The following TNFAIP8 variants were observed in gnomAD, a reference collection of about 807,000 sequenced individuals.
The protein encoded by TNFAIP8 is TNF alpha induced protein 8.
TNFAIP8 carries 7 observed loss-of-function variants against 13.3 expected under a neutral mutation model. The observed-to-expected ratio is 0.52, with a 90% CI of 0.30 to 0.99. The LOEUF (loss-of-function observed/expected upper bound fraction) is 0.99. Ranked by LOEUF, TNFAIP8 falls within the 50% of genes least tolerant of loss-of-function variation. TNFAIP8 has a pLI of 0.07. For synonymous variants in TNFAIP8, 94 were observed against 87.6 expected, an observed-to-expected ratio of 1.07 and a Z score of -0.41; for missense variants, 258 against 236.9, an observed-to-expected ratio of 1.09 and a Z score of -0.58.
chr5:119,285,671 G>A (rs1748757767), intron 1 of TNFAIP8, among the ~76,000 whole-genome samples: 1 of 152,198 alleles, frequency 6.6e-6, no homozygotes, highest in Non-Finnish European at 1.5e-5. Flanking sequence ...ATCTGTGAAA[G>A]TATCCAAGAA....
At chr5:119,297,273 T>G (rs1394620077) in intron 1 of TNFAIP8, among the ~76,000 whole-genome samples, 6 of 152,192 alleles carry the variant, frequency 3.9e-5, no homozygotes, top group South Asian at 4.1e-4. Flanking sequence ...ACACACTGCT[T>G]TGAAAGTGTC....
intron 1 of TNFAIP8, among the ~76,000 whole-genome samples, chr5:119,371,708 T>G (rs188260102): frequency 6.6e-6 from 1 of 152,372 alleles, no homozygotes. Flanking sequence ...CCTAAGATAC[T>G]TTCTGCCTTT....
chr5:119,361,164 A>C (rs1751618980), intron 1 of TNFAIP8, among the ~76,000 whole-genome samples: 1 of 152,252 alleles, frequency 6.6e-6, no homozygotes, highest in South Asian at 2.1e-4. Context: ...AGCACATTGC[A>C]GCAGGCCCGG....
chr5:119,268,829 G>A (rs754705624), exon 1 of TNFAIP8: 3 of 701,936 alleles, frequency 4.3e-6, no homozygotes, highest in South Asian at 1.5e-5. Flanking sequence ...GTGAGCCACC[G>A]AGAGAGCAGA....
chr5:119,386,703 G>A (rs1230373155), intron 1 of TNFAIP8, among the ~76,000 whole-genome samples: 1 of 152,166 alleles, frequency 6.6e-6, no homozygotes, highest in Non-Finnish European at 1.5e-5. Context: ...ACCACTTGGG[G>A]GGATGTGCAT....
In TNFAIP8 at chr5:119,368,428, A is replaced by AGTGT. The variant is rs1285083603; in HGVS notation, c.31+12308_31+12309insTGTG. Among the ~76,000 whole-genome samples, 6 of 94,432 alleles carry AGTGT rather than the reference A, an allele frequency of 6.4e-5. No individual in the cohort carries two copies. In the East Asian group the frequency reaches 1.6e-3, roughly 25 times the overall value. 62.0% of individuals were successfully genotyped at this position (94,432 alleles called of 152,430 possible). On this transcript the variant is annotated intron_variant, in intron 1 of 1. Coordinates refer to ENST00000504771, the MANE Select transcript of TNFAIP8 (RefSeq NM_014350.4). ...TTTCTTTCACTTACCTATTCTAAGC[A>AGTGT]GCGTGTGTGTGTGTGTGTGTGTGTG... is the stretch of plus-strand genomic sequence containing the variant.
chr5:119,279,039 T>C (rs1748550512), intron 1 of TNFAIP8, among the ~76,000 whole-genome samples: 1 of 152,240 alleles, frequency 6.6e-6, no homozygotes. Flanking sequence ...CCAGTAATCA[T>C]GGCAAACACT....
At position 119,341,787 on chromosome 5, in the gene TNFAIP8, A is replaced by G. The variant is rs200642563; in HGVS notation, c.2-51029A>G. ...AATCTCAATCAAAACAGTTCTGAGT[A>G]TTTTACATCATTTAAAAAAATTTGC... is the stretch of plus-strand genomic sequence containing the variant. On this transcript the variant is annotated intron_variant, in intron 1 of 1. Coordinates refer to the TNFAIP8 transcript ENST00000274456. 4.6e-5 allele frequency among the ~76,000 whole-genome samples: 7 copies of G among 152,280 alleles called. No homozygotes were observed. The East Asian group carries it at 1.2e-3, about 25-fold the overall frequency.
intron 1 of TNFAIP8, among the ~76,000 whole-genome samples, chr5:119,326,992 G>T (rs1750244248): frequency 6.6e-6 from 1 of 152,178 alleles, no homozygotes; most frequent in South Asian, 2.1e-4. Flanking sequence ...TCCTGAAGGG[G>T]CTTGGGTGAC....
At position 119,397,855 on chromosome 5, in the gene TNFAIP8, A is replaced by G. The variant is rs1753111116; in HGVS notation, c.*4474A>G. ...AAAGCCAGAAAGATATTTTTATCTC[A>G]GGGAAATTCCAGAAATGGAAACATT... On this transcript the variant is annotated 3_prime_UTR_variant, in exon 2 of 2. Transcript: ENST00000504771. The G allele has an allele frequency of 6.6e-6, 1 of 152,254 alleles. No homozygotes were observed. The highest frequency in any genetic ancestry group is 1.5e-5 in the Non-Finnish European group (1 of 68,042). The allele number at this position is 152,254 out of a possible 1,614,324, so 9.4% of individuals were successfully genotyped here. A position where few individuals can be genotyped will look rare whatever the true frequency, so the allele number is the denominator to read the frequency against.
intron 1 of TNFAIP8, among the ~76,000 whole-genome samples, chr5:119,381,812 G>C (rs1427742362): frequency 6.6e-6 from 1 of 152,008 alleles, no homozygotes; most frequent in Non-Finnish European, 1.5e-5. Context: ...GGCACCTGTA[G>C]TCCCAGCTAC....
chr5:119,299,292 A>G (rs1288753914), intron 1 of TNFAIP8, among the ~76,000 whole-genome samples: 5 of 152,068 alleles, frequency 3.3e-5, no homozygotes, highest in Non-Finnish European at 2.9e-5. Context: ...TTTGGTGTGG[A>G]TGTCCTTTCT....
intron 1 of TNFAIP8, among the ~76,000 whole-genome samples, chr5:119,350,514 T>A (rs1267641777): frequency 1.3e-5 from 2 of 152,208 alleles, no homozygotes; most frequent in Non-Finnish European, 2.9e-5. Flanking sequence ...CAGATAATAT[T>A]TTCTGACCTG....
intron 1 of TNFAIP8, among the ~76,000 whole-genome samples, chr5:119,388,851 C>G (rs911425893): frequency 2.0e-5 from 3 of 151,324 alleles, no homozygotes; most frequent in Non-Finnish European, 4.4e-5. Context: ...GCTATGTTGC[C>G]CAGGCTGGTC....
chr5:119,345,503 A>G (rs987533480), intron 1 of TNFAIP8, among the ~76,000 whole-genome samples: 3 of 152,246 alleles, frequency 2.0e-5, no homozygotes, highest in Non-Finnish European at 4.4e-5. Flanking sequence ...ATACACATAC[A>G]ATGGAATATC....
At chr5:119,300,994 C>T (rs573756335) in intron 1 of TNFAIP8, among the ~76,000 whole-genome samples, 40 of 152,248 alleles carry the variant, frequency 2.6e-4, no homozygotes, top group African/African-American at 8.7e-4. Flanking sequence ...AAGTGGGCCC[C>T]AAGCTTTGAT....
chr5:119,334,659 G>GTGTGTGTGTGTGT (rs1453320849), intron 1 of TNFAIP8, among the ~76,000 whole-genome samples: 2 of 139,442 alleles, frequency 1.4e-5, no homozygotes, highest in African/African-American at 5.6e-5. Flanking sequence ...GTGTGTGTGT[G>GTGTGTGTGTGTGT]TATACCTGGG....
At chr5:119,345,986 G>C (rs1256773597) in intron 1 of TNFAIP8, among the ~76,000 whole-genome samples, 1 of 152,144 alleles carries the variant, frequency 6.6e-6, no homozygotes, top group Admixed American at 6.5e-5. Context: ...AATAACAGAG[G>C]AATAGCAGAT....
Position 119,395,771 on chromosome 5 carries a change from G to A in TNFAIP8, c.*2390G>A, listed in dbSNP as rs1562041069. 6.6e-6 allele frequency: 1 copy of A among 152,324 alleles called. No individual in the cohort carries two copies. The highest frequency in any genetic ancestry group is 1.9e-4 in the East Asian group (1 of 5,184). 9.4% of individuals were successfully genotyped at this position (152,324 alleles called of 1,614,324 possible). On this transcript the variant is annotated 3_prime_UTR_variant, in exon 2 of 2. Transcript: ENST00000504771. ...CCCCTTGAGCATTTAGGGTGGCAAG[G>A]AGCGTGGGAGCTGGGAAGAATCCCC... is the stretch of plus-strand genomic sequence containing the variant.
Sources: allele counts gnomAD v4.1 joint callset (sites outside exome capture counted in the v4.1 genomes callset), GRCh38; gene constraint gnomAD v4.1.1; transcripts MANE v1.5; gene names NCBI Gene and HGNC (gene_info 2026-07-23, HGNC 2026-07-21).